Variants in TVP23B observed in about 807,000 individuals in gnomAD.
TVP23B encodes Golgi apparatus membrane protein TVP23 homolog B.
Under a neutral mutation model 30.6 loss-of-function variants are expected in TVP23B, and 10 were observed. The observed-to-expected ratio is 0.33, with a 90% CI of 0.20 to 0.55. The LOEUF is 0.55. Ranked by LOEUF, TVP23B falls within the 20% of genes least tolerant of loss-of-function variation. The pLI is 0.91. For missense variants in TVP23B, 153 were observed against 243.2 expected, an observed-to-expected ratio of 0.63 and a Z score of 2.47; for synonymous variants, 67 against 83.1, an observed-to-expected ratio of 0.81 and a Z score of 1.06.
Position 18,804,127 on chromosome 17 carries a change from C to T in TVP23B, c.463-11C>T. On this transcript the variant is annotated splice_polypyrimidine_tract_variant and intron_variant, in intron 5 of 6. Transcript: ENST00000307767. ...GCCAGTAACCATTGATTATTTTTTC[C>T]CTTGTCCCAGGCGGTGGTTATCATG... is the stretch of plus-strand genomic sequence containing the variant. The T allele has an allele frequency of 5.6e-6, 9 of 1,612,144 alleles. No homozygotes were observed. The highest frequency in any genetic ancestry group is 7.6e-6 in the Non-Finnish European group (9 of 1,179,158).
At chr17:18,805,481 A>C in intron 6 of TVP23B, 60 bp from the exon 7 acceptor site, 1 of 1,597,850 alleles carries the variant, frequency 6.3e-7, no homozygotes, top group Non-Finnish European at 8.5e-7. Context: ...CCCCAAGTCC[A>C]TGGTGTGTGA....
chr17:18,797,245 A>T, intron 3 of TVP23B: 1 of 291,594 alleles, frequency 3.4e-6, no homozygotes, highest in Non-Finnish European at 6.6e-6. Flanking sequence ...TATAGTCAGG[A>T]TGTAAAGTAG....
chr17:18,786,881 CAG>C (rs540984298), intron 1 of TVP23B, among the ~76,000 whole-genome samples: 55 of 149,148 alleles, frequency 3.7e-4, no homozygotes, highest in African/African-American at 1.2e-3. Flanking sequence ...CGCGGACTGT[CAG>C]GGCCCAGCTG....
At chr17:18,787,402 C>A (rs867906966) in intron 1 of TVP23B, among the ~76,000 whole-genome samples, 1,445 of 89,226 alleles carry the variant, frequency 0.016, 10 homozygotes, top group African/African-American at 0.034. Context: ...GACTCTGTCT[C>A]AAAAAAAAAA....
intron 5 of TVP23B, among the ~76,000 whole-genome samples, chr17:18,801,690 G>C (rs2036169707): frequency 1.3e-5 from 2 of 149,742 alleles, no homozygotes; most frequent in South Asian, 4.2e-4. Flanking sequence ...TAGAGCTTTA[G>C]CATCCATCCA....
intron 1 of TVP23B, among the ~76,000 whole-genome samples, chr17:18,788,071 G>C (rs1400530149): frequency 8.6e-6 from 1 of 116,946 alleles, no homozygotes; most frequent in East Asian, 2.6e-4. Context: ...GGGCATGGTG[G>C]CTCACGCCTG....
At chr17:18,792,472 G>C (rs933047747) in intron 3 of TVP23B, among the ~76,000 whole-genome samples, 3 of 152,176 alleles carry the variant, frequency 2.0e-5, no homozygotes, top group African/African-American at 7.2e-5. Context: ...TCTTTGGCTT[G>C]CATTTCTTTG....
chr17:18,791,186 A>ATTTT, intron 3 of TVP23B, 146 bp downstream of exon 3: 15 of 114,504 alleles, frequency 1.3e-4, no homozygotes, highest in Non-Finnish European at 2.0e-4. Flanking sequence ...AATTGCATGT[A>ATTTT]GTTTTTTTTT....
chr17:18,794,668 TAAAG>T (rs1295063724), intron 3 of TVP23B, among the ~76,000 whole-genome samples: 1 of 151,664 alleles, frequency 6.6e-6, no homozygotes, highest in Admixed American at 6.6e-5. Context: ...AAGCAGGAAA[TAAAG>T]AGTTAGAAAA....
chr17:18,788,203 C>T (rs1432788686), intron 1 of TVP23B, among the ~76,000 whole-genome samples: 6 of 151,578 alleles, frequency 4.0e-5, no homozygotes, highest in African/African-American at 7.3e-5. Flanking sequence ...TGGTGGCACG[C>T]GCCTGTAGTC....
intron 5 of TVP23B, among the ~76,000 whole-genome samples, chr17:18,800,072 C>T (rs938778564): frequency 5.3e-5 from 8 of 151,976 alleles, no homozygotes; most frequent in African/African-American, 9.7e-5. Flanking sequence ...GGAAACTTTA[C>T]GCTAATATGG....
intron 1 of TVP23B, among the ~76,000 whole-genome samples, chr17:18,786,193 C>T (rs1187502398): frequency 6.6e-6 from 1 of 152,156 alleles, no homozygotes; most frequent in African/African-American, 2.4e-5. Flanking sequence ...CTGGGTAATC[C>T]AGGATGATCT....
At chr17:18,796,648 CAG>C (rs900837627) in intron 3 of TVP23B, 1 of 152,046 alleles carries the variant, frequency 6.6e-6, no homozygotes, top group African/African-American at 2.4e-5. Flanking sequence ...TCTATTGTGT[CAG>C]GGTGTTTTTA....
intron 4 of TVP23B, among the ~76,000 whole-genome samples, 164 bp downstream of exon 4, chr17:18,797,832 G>C (rs1301849875): frequency 6.6e-6 from 1 of 152,054 alleles, no homozygotes; most frequent in Non-Finnish European, 1.5e-5. Flanking sequence ...GCATTTTTCT[G>C]TCTAGTTCAG....
intron 6 of TVP23B, 79 bp from the exon 7 acceptor site, chr17:18,805,462 A>G: frequency 6.3e-7 from 1 of 1,582,780 alleles, no homozygotes; most frequent in Admixed American, 2.0e-5. Flanking sequence ...ATGTTTTCCT[A>G]GGCCTAGTCC....
chr17:18,798,683 T>A (rs2036112341), intron 4 of TVP23B, 129 bp from the exon 5 acceptor site: 20 of 1,295,708 alleles, frequency 1.5e-5, no homozygotes, highest in Non-Finnish European at 2.0e-5. Flanking sequence ...TATTTTTGGG[T>A]TCTAACTTAG....
At chr17:18,793,743 G>C (rs2036034180) in intron 3 of TVP23B, among the ~76,000 whole-genome samples, 1 of 151,986 alleles carries the variant, frequency 6.6e-6, no homozygotes, top group Non-Finnish European at 1.5e-5. Context: ...GCTTAAATCA[G>C]AAAGTACATG....
chr17:18,796,238 G>A (rs1163569195), intron 3 of TVP23B: 1 of 151,990 alleles, frequency 6.6e-6, no homozygotes, highest in African/African-American at 2.4e-5. Context: ...TTTCAAAGCA[G>A]TGGTGAGCAT....
chr17:18,801,823 G>T (rs2151851881), intron 5 of TVP23B, among the ~76,000 whole-genome samples: 2 of 152,230 alleles, frequency 1.3e-5, no homozygotes, highest in South Asian at 4.2e-4. Context: ...TCCATTATTG[G>T]AACACTAAGC....
Sources: allele counts gnomAD v4.1 joint callset (sites outside exome capture counted in the v4.1 genomes callset), GRCh38; gene constraint gnomAD v4.1.1; transcripts MANE v1.5; gene names NCBI Gene and HGNC (gene_info 2026-07-23, HGNC 2026-07-21).